DEFB118: variants seen among roughly 807,000 people sequenced by gnomAD.
DEFB118 encodes the protein defensin beta 118.
Under a neutral mutation model 2.8 loss-of-function variants are expected in DEFB118, and 3 were observed. The observed-to-expected ratio is 1.09, with a 90% CI of 0.50 to 2.82. DEFB118 has a LOEUF of 2.82. DEFB118 is among the 30% of genes most tolerant of loss of function. DEFB118 has a pLI of 0.04. For synonymous variants in DEFB118, 63 were observed against 53.5 expected (o/e 1.18, Z -0.78); for missense variants, 159 against 144.6 (o/e 1.10, Z -0.51).
chr20:31,372,651 T>C, intron 1 of DEFB118, among the ~76,000 whole-genome samples: 1 of 152,148 alleles, frequency 6.6e-6, no homozygotes, highest in Non-Finnish European at 1.5e-5. Context: ...TTCTTTTCAT[T>C]GATCGTAAGA....
intron 1 of DEFB118, among the ~76,000 whole-genome samples, chr20:31,369,392 T>G (rs543339859): frequency 2.1e-3 from 305 of 145,318 alleles, no homozygotes; most frequent in African/African-American, 7.2e-3. Context: ...TGTGTTTTTT[T>G]TTTTTTTTTT....
rs775362601 is a variant in DEFB118 at position 31,368,608 on chromosome 20, A to T, written c.-43A>T. On this transcript the variant is annotated 5_prime_UTR_variant, in exon 1 of 2. Coordinates refer to ENST00000253381, the MANE Select transcript of DEFB118 (RefSeq NM_054112.3). ...TGTTCAGACTCACACTGCACACAGT[A>T]TTCTGAACTCCTGGATCTACCACCT... 1.2e-6 allele frequency: 2 copies of T among 1,600,994 alleles called. No homozygotes were observed. Among genetic ancestry groups the T allele is most frequent in the Non-Finnish European group, 1.7e-6 (2 of 1,168,462 alleles).
chr20:31,372,376 C>T (rs780225216), intron 1 of DEFB118, among the ~76,000 whole-genome samples: 4 of 151,984 alleles, frequency 2.6e-5, no homozygotes, highest in Non-Finnish European at 4.4e-5. Context: ...ATGATGAAAC[C>T]CCATCTGACT....
At chr20:31,369,402 T>C (rs1390251651) in intron 1 of DEFB118, among the ~76,000 whole-genome samples, 1 of 148,964 alleles carries the variant, frequency 6.7e-6, no homozygotes. Flanking sequence ...TTTTTTTTTT[T>C]TTTTGAAGAT....
At chr20:31,369,843 C>T (rs1386058929) in intron 1 of DEFB118, among the ~76,000 whole-genome samples, 11 of 151,872 alleles carry the variant, frequency 7.2e-5, no homozygotes, top group Non-Finnish European at 1.2e-4. Flanking sequence ...TCTTAATTTT[C>T]GAACAAGACA....
chr20:31,368,740 G>C (rs374192151), intron 1 of DEFB118, 32 bp downstream of exon 1: 84 of 1,601,764 alleles, frequency 5.2e-5, no homozygotes, highest in Non-Finnish European at 7.0e-5. Context: ...TACAAAAATA[G>C]AGGTATAGTG....
chr20:31,370,011 A>G (rs1986186953), intron 1 of DEFB118, among the ~76,000 whole-genome samples: 1 of 152,082 alleles, frequency 6.6e-6, no homozygotes, highest in East Asian at 1.9e-4. Flanking sequence ...TAATTCCTCT[A>G]TTCCTCTGCC....
In DEFB118 at chr20:31,372,988, C is replaced by A; in HGVS notation, c.190C>A (p.Arg64=). ...CCIPSNEDHR[R]VPATSPTPLS... is the part of the protein sequence containing the mutation. The stretch of plus-strand genomic sequence containing the variant: ...CATTCCATCCAATGAAGACCACAGG[C>A]GAGTTCCTGCGACATCTCCCACACC... Residue 64 remains arginine, a synonymous_variant, in exon 2 of 2, where the codon CGA becomes AGA. Transcript: ENST00000253381. The A allele has an allele frequency of 1.2e-6, 2 of 1,614,160 alleles. No homozygotes were observed. Among genetic ancestry groups the A allele is most frequent in the Non-Finnish European group, 1.7e-6 (2 of 1,180,026 alleles).
In DEFB118 at chr20:31,373,482, G is replaced by T. The variant is rs988052354; in HGVS notation, c.*312G>T. 3.7e-5 allele frequency: 12 copies of T among 323,148 alleles called. No homozygotes were observed. Among genetic ancestry groups the T allele is most frequent in the Admixed American group, 2.7e-4 (6 of 22,288 alleles). 20.0% of individuals were successfully genotyped at this position (323,148 alleles called of 1,614,324 possible). On this transcript the variant is annotated 3_prime_UTR_variant, in exon 2 of 2. Coordinates refer to ENST00000253381, the MANE Select transcript of DEFB118 (RefSeq NM_054112.3). ...TCCAACAACAATTTCTTCATGTATC[G>T]TTCTGTCTTCTCAACAGCTGTCTTC...
chr20:31,372,034 TG>T (rs1986218255), intron 1 of DEFB118, among the ~76,000 whole-genome samples: 1 of 152,236 alleles, frequency 6.6e-6, no homozygotes, highest in Non-Finnish European at 1.5e-5. Flanking sequence ...TTCCTTTTTA[TG>T]GATGAGTAGT....
At chr20:31,371,473 T>C (rs1986209109) in intron 1 of DEFB118, among the ~76,000 whole-genome samples, 1 of 151,202 alleles carries the variant, frequency 6.6e-6, no homozygotes, top group Non-Finnish European at 1.5e-5. Flanking sequence ...TTTTTTCTTT[T>C]TCTTTTTTTT....
chr20:31,372,898 T>C lies in DEFB118; in HGVS notation c.100T>C (p.Cys34Arg), dbSNP rs140456274. The change falls in exon 2 of 2, where the codon TGC becomes CGC. Residue 34 changes from cysteine (C) to arginine (R), a missense_variant. Transcript: ENST00000253381. Reference protein sequence around the residue: ...EKKCWNRSGHCRKQCKDGEAV... With the variant: ...EKKCWNRSGHRRKQCKDGEAV... ...AAAATGCTGGAACAGATCAGGGCACTGCAGGAAACAATGCAAAGATGGAGA... is the reference window on the plus strand; with the variant it reads ...AAAATGCTGGAACAGATCAGGGCACCGCAGGAAACAATGCAAAGATGGAGA... The C allele has an allele frequency of 3.4e-3, 5,536 of 1,614,172 alleles. 23 individuals are homozygous for C. Among genetic ancestry groups the C allele is most frequent in the Non-Finnish European group, 3.1e-3 (3,671 of 1,180,024 alleles).
Position 31,372,439 on chromosome 20 carries a change from C to T in DEFB118, c.59-418C>T, listed in dbSNP as rs1448026234. Among the ~76,000 whole-genome samples the T allele has an allele frequency of 2.6e-5, 4 of 152,118 alleles. No individual in the cohort carries two copies. In the South Asian group the frequency reaches 6.2e-4, roughly 24 times the overall value. On this transcript the variant is annotated intron_variant, in intron 1 of 1. Coordinates refer to ENST00000253381, the MANE Select transcript of DEFB118 (RefSeq NM_054112.3). The stretch of plus-strand genomic sequence containing the variant: ...TGGCGCGTGCCTGTAGTCCCAGCTA[C>T]TCAGGAGGCTGAGGCAAGAGAATCG...
intron 1 of DEFB118, among the ~76,000 whole-genome samples, chr20:31,370,040 A>G (rs952276623): frequency 2.0e-5 from 3 of 152,100 alleles, no homozygotes; most frequent in South Asian, 2.1e-4. Flanking sequence ...AGAGAGGCCA[A>G]TAACTCTTGT....
chr20:31,371,653 A>G (rs369090991), intron 1 of DEFB118, among the ~76,000 whole-genome samples: 19 of 151,216 alleles, frequency 1.3e-4, no homozygotes, highest in African/African-American at 4.6e-4. Context: ...GTATTTTTGG[A>G]CATATGCTTA....
chr20:31,369,385 G>GTTTTT lies in DEFB118; in HGVS notation c.58+694_58+698dup, dbSNP rs71185357. 2.8e-4 allele frequency among the ~76,000 whole-genome samples: 29 copies of GTTTTT among 103,910 alleles called. 1 individual carries two copies. The highest frequency in any genetic ancestry group is 8.0e-4 in the African/African-American group (21 of 26,092). 68.2% of individuals were successfully genotyped at this position (103,910 alleles called of 152,430 possible). On this transcript the variant is annotated intron_variant, in intron 1 of 1. Transcript: ENST00000253381. ...CTGCATGGCTATGCAGCACTCTTGT[G>GTTTTT]TTTTTTTTTTTTTTTTTTTTTGAAG...
intron 1 of DEFB118, 132 bp downstream of exon 1, chr20:31,368,840 G>A: frequency 1.2e-6 from 1 of 843,072 alleles, no homozygotes. Context: ...GCTCCTGGCT[G>A]GGGTAAAACC....
At position 31,373,036 on chromosome 20, in the gene DEFB118, A is replaced by G. The variant is rs745538946; in HGVS notation, c.238A>G (p.Ile80Val). 6.2e-7 allele frequency: 1 copy of G among 1,614,188 alleles called. No homozygotes were observed. Among genetic ancestry groups the G allele is most frequent in the Non-Finnish European group, 8.5e-7 (1 of 1,180,034 alleles). The change falls in exon 2 of 2, where the codon ATT becomes GTT. Residue 80 changes from isoleucine (I) to valine (V), a missense_variant. By Grantham distance (29) the Ile-to-Val change is conservative (BLOSUM62 3). Coordinates refer to ENST00000253381, the MANE Select transcript of DEFB118 (RefSeq NM_054112.3). ...ACCCTTGAGTGACTCAACACCAGGA[A>G]TTATTGATGATATTTTAACAGTAAG... ...PTPLSDSTPG[I>V]IDDILTVRFT...
In DEFB118 at chr20:31,373,089, C is replaced by A. The variant is rs143172639; in HGVS notation, c.291C>A (p.Ser97Arg). 1 of 1,614,018 alleles carries A rather than the reference C, an allele frequency of 6.2e-7. No homozygotes were observed. The highest frequency in any genetic ancestry group is 1.3e-5 in the African/African-American group (1 of 74,904). Residue 97 changes from serine to arginine, a missense_variant, in exon 2 of 2, where the codon AGC (serine) becomes AGA (arginine). Transcript: ENST00000253381. ...VRFTTDYFEVSSKKDMVEESE... is the reference protein window; with the variant it reads ...VRFTTDYFEVRSKKDMVEESE... ...TCACGACAGACTACTTTGAAGTAAG[C>A]AGCAAGAAAGATATGGTTGAAGAGT...
Sources: gnomAD v4.1 joint callset for allele counts (sites outside exome capture counted in the v4.1 genomes callset) on GRCh38, gnomAD v4.1.1 for gene constraint, MANE v1.5 for transcripts, NCBI Gene and HGNC (gene_info 2026-07-23, HGNC 2026-07-21) for gene names.